MS4A6E: variants seen among roughly 807,000 people sequenced by gnomAD.
MS4A6E encodes membrane-spanning 4-domains subfamily A member 6E.
A neutral mutation model predicts 13.2 loss-of-function variants in MS4A6E; 8 were observed. The ratio of observed to expected loss-of-function variants is 0.60; its 90% confidence interval spans 0.35 to 1.09. The LOEUF (loss-of-function observed/expected upper bound fraction) is 1.09. MS4A6E is among the 50% of genes least tolerant of loss of function. MS4A6E has a pLI of 0.02. For synonymous variants in MS4A6E, 72 were observed against 67.6 expected (o/e 1.06, Z -0.32); for missense variants, 177 against 171.1 (o/e 1.03, Z -0.19).
At chr11:60,334,196 A>G (rs2135058020) in intron 1 of MS4A6E, among the ~76,000 whole-genome samples, 1 of 152,292 alleles carries the variant, frequency 6.6e-6, no homozygotes, top group Admixed American at 6.5e-5. Context: ...TTTCAGCACT[A>G]GGGAGATTGT....
At chr11:60,329,041 C>T (rs6591565) in intron 1 of MS4A6E, among the ~76,000 whole-genome samples, 52,917 of 151,870 alleles carry the variant, frequency 0.35, 9,853 homozygotes, top group East Asian at 0.41. Context: ...ATGTGCAGAA[C>T]GTGCAGGTTT....
downstream of MS4A6E, among the ~76,000 whole-genome samples, chr11:60,343,339 C>A (rs149370113): frequency 1.4e-4 from 22 of 152,162 alleles, no homozygotes; most frequent in Middle Eastern, 3.4e-3. Context: ...ATAAAAGGAA[C>A]CTTTTTTTTG....
intron 4 of MS4A6E, among the ~76,000 whole-genome samples, chr11:60,346,639 G>A (rs547531043): frequency 6.6e-6 from 1 of 152,220 alleles, no homozygotes; most frequent in Admixed American, 6.5e-5. Context: ...TTCTTTGTAG[G>A]CCCTCTAATA....
intron 4 of MS4A6E, among the ~76,000 whole-genome samples, chr11:60,349,006 C>G (rs2085267850): frequency 6.6e-6 from 1 of 151,522 alleles, no homozygotes; most frequent in African/African-American, 2.4e-5. Flanking sequence ...TCAATTCACC[C>G]AGAGTGAAGA....
At chr11:60,345,000 T>C (rs80034673), downstream of MS4A6E, among the ~76,000 whole-genome samples, 2,037 of 152,234 alleles carry the variant, frequency 0.013, 46 homozygotes, top group African/African-American at 0.046. Flanking sequence ...AGTGGCACAA[T>C]CTCGGCTCAC....
downstream of MS4A6E, among the ~76,000 whole-genome samples, chr11:60,343,348 T>C (rs146337568): frequency 6.6e-6 from 1 of 152,194 alleles, no homozygotes; most frequent in Non-Finnish European, 1.5e-5. Context: ...ACCTTTTTTT[T>C]GCATAAGTGT....
intron 1 of MS4A6E, among the ~76,000 whole-genome samples, chr11:60,332,042 G>T (rs187178629): frequency 1.9e-4 from 29 of 152,272 alleles, no homozygotes; most frequent in African/African-American, 5.1e-4. Context: ...TGGTATTTTT[G>T]TTATAACAGT....
At chr11:60,342,176 TGTGAGAGAGAGAGAGA>T (rs2085230479), downstream of MS4A6E, among the ~76,000 whole-genome samples, 1 of 37,792 alleles carries the variant, frequency 2.6e-5, no homozygotes, top group African/African-American at 9.8e-5. Flanking sequence ...TGTGTGTGTG[TGTGAGAGAGAGAGAGA>T]GAGAGAGAGG....
intron 1 of MS4A6E, among the ~76,000 whole-genome samples, chr11:60,329,055 A>G (rs1182533826): frequency 6.6e-6 from 1 of 152,198 alleles, no homozygotes; most frequent in Non-Finnish European, 1.5e-5. Flanking sequence ...CAGGTTTGTT[A>G]CACAGGTATA....
intron 1 of MS4A6E, among the ~76,000 whole-genome samples, chr11:60,332,336 A>G (rs183813260): frequency 1.3e-5 from 2 of 152,336 alleles, no homozygotes; most frequent in East Asian, 1.9e-4. Context: ...CTGGGAACAC[A>G]TAATTGTAGT....
At chr11:60,342,683 A>G (rs1026275776), downstream of MS4A6E, among the ~76,000 whole-genome samples, 5 of 152,198 alleles carry the variant, frequency 3.3e-5, no homozygotes, top group African/African-American at 1.2e-4. Flanking sequence ...ATGGTGACAA[A>G]GAAAAGGGAA....
downstream of MS4A6E, among the ~76,000 whole-genome samples, chr11:60,346,058 T>G (rs2085254995): frequency 2.0e-5 from 3 of 152,114 alleles, no homozygotes; most frequent in South Asian, 6.2e-4. Flanking sequence ...CCACTGGAGC[T>G]GGAGGTTTGA....
chr11:60,333,928 A>C (rs1450287091), intron 1 of MS4A6E, among the ~76,000 whole-genome samples: 1 of 152,188 alleles, frequency 6.6e-6, no homozygotes, highest in Non-Finnish European at 1.5e-5. Flanking sequence ...CCAGGAAAAG[A>C]CGCATCAAAA....
At chr11:60,343,372 A>C (rs1234383387), downstream of MS4A6E, among the ~76,000 whole-genome samples, 2 of 152,158 alleles carry the variant, frequency 1.3e-5, no homozygotes, top group Admixed American at 1.3e-4. Flanking sequence ...CCAATTATTA[A>C]TTCTACTATA....
chr11:60,330,903 G>A (rs567791369), intron 1 of MS4A6E, among the ~76,000 whole-genome samples: 1 of 152,258 alleles, frequency 6.6e-6, no homozygotes, highest in East Asian at 1.9e-4. Context: ...TCTTTGTCAG[G>A]TTTGTCAAAG....
intron 1 of MS4A6E, among the ~76,000 whole-genome samples, chr11:60,330,801 T>C (rs571329325): frequency 6.6e-6 from 1 of 152,344 alleles, no homozygotes; most frequent in South Asian, 2.1e-4. Flanking sequence ...GAATAAGCTG[T>C]AAGGAAGTGG....
intron 2 of MS4A6E, chr11:60,335,740 G>A (rs1349663340): frequency 2.9e-6 from 1 of 347,962 alleles, no homozygotes; most frequent in Non-Finnish European, 5.6e-6. Context: ...TGAGGCTCAG[G>A]TGACAAAAGG....
At chr11:60,340,592 C>A (rs1008021373) in intron 4 of MS4A6E, among the ~76,000 whole-genome samples, 184 bp from the exon 5 acceptor site, 1 of 152,156 alleles carries the variant, frequency 6.6e-6, no homozygotes, top group Non-Finnish European at 1.5e-5. Context: ...TAGAAGAATA[C>A]TAGACTGATA....
downstream of MS4A6E, among the ~76,000 whole-genome samples, chr11:60,344,831 G>A (rs1381406015): frequency 6.6e-6 from 1 of 152,316 alleles, no homozygotes; most frequent in East Asian, 1.9e-4. Context: ...CCCTTACAGT[G>A]TAGCACTGTT....
Sources: allele counts gnomAD v4.1 joint callset (sites outside exome capture counted in the v4.1 genomes callset), GRCh38; gene constraint gnomAD v4.1.1; transcripts MANE v1.5; gene names NCBI Gene and HGNC (gene_info 2026-07-23, HGNC 2026-07-21).